TSHR: variants seen among roughly 807,000 people sequenced by gnomAD.
TSHR encodes the protein thyroid stimulating hormone receptor.
TSHR carries 51 observed loss-of-function variants against 64.1 expected under a neutral mutation model. The ratio of observed to expected loss-of-function variants is 0.80; its 90% CI spans 0.64 to 1.01. The LOEUF (loss-of-function observed/expected upper bound fraction) is 1.01, where lower values mean the gene tolerates loss of function less well. Among genes scored for constraint, TSHR ranks in the 50% least tolerant of loss-of-function variants. TSHR has a pLI of 0.00. For synonymous variants in TSHR, 361 were observed against 361.9 expected (o/e 1.00, Z 0.03); for missense variants, 877 against 942.8 (o/e 0.93, Z 0.91).
chr14:81,015,426 A>G (rs1325710824), intron 1 of TSHR, among the ~76,000 whole-genome samples: 1 of 152,196 alleles, frequency 6.6e-6, no homozygotes. Flanking sequence ...TGTTTTAACC[A>G]AATATAGTTA....
intron 2 of TSHR, among the ~76,000 whole-genome samples, chr14:81,064,803 G>A (rs1007665223): frequency 2.0e-5 from 3 of 152,006 alleles, no homozygotes; most frequent in Non-Finnish European, 2.9e-5. Context: ...ACCAGGAGGA[G>A]GCATCCGCAG....
intron 1 of TSHR, among the ~76,000 whole-genome samples, chr14:81,029,294 T>A (rs1443884538): frequency 3.9e-5 from 6 of 152,142 alleles, no homozygotes; most frequent in Admixed American, 3.9e-4. Context: ...CCCTTCCTCA[T>A]CTTATTTAAC....
chr14:80,962,810 G>A (rs942545266), intron 1 of TSHR, among the ~76,000 whole-genome samples: 1 of 152,120 alleles, frequency 6.6e-6, no homozygotes, highest in African/African-American at 2.4e-5. Context: ...TTTACAATCC[G>A]TAGACAAAAT....
chr14:81,009,569 C>G (rs1304118824), intron 1 of TSHR, among the ~76,000 whole-genome samples: 3 of 152,098 alleles, frequency 2.0e-5, no homozygotes, highest in African/African-American at 7.2e-5. Context: ...TCATATCTGC[C>G]CACAACCACA....
intron 7 of TSHR, among the ~76,000 whole-genome samples, chr14:81,098,864 A>G (rs1889386715): frequency 6.6e-6 from 1 of 152,174 alleles, no homozygotes; most frequent in Non-Finnish European, 1.5e-5. Context: ...AGGGTAATTG[A>G]TTTCTAAAAC....
chr14:81,131,549 A>C (rs777370037), intron 8 of TSHR, among the ~76,000 whole-genome samples: 4 of 152,172 alleles, frequency 2.6e-5, no homozygotes, highest in Non-Finnish European at 4.4e-5. Flanking sequence ...CTATGCCCTC[A>C]CCGTCTCAGC....
chr14:80,983,573 T>G, intron 1 of TSHR: 1 of 1,142,692 alleles, frequency 8.8e-7, no homozygotes, highest in Non-Finnish European at 1.3e-6. Context: ...TAGTTGTTGA[T>G]CACTTGAGTT....
intron 5 of TSHR, among the ~76,000 whole-genome samples, chr14:81,091,473 T>C (rs1888731826): frequency 6.6e-6 from 1 of 152,164 alleles, no homozygotes; most frequent in South Asian, 2.1e-4. Context: ...GAGCAGAAAA[T>C]AGCTCAGTAA....
chr14:80,969,881 A>C (rs1452567488), intron 1 of TSHR, among the ~76,000 whole-genome samples: 1 of 152,182 alleles, frequency 6.6e-6, no homozygotes, highest in Admixed American at 6.5e-5. Context: ...CTGTTTTCCA[A>C]TAGTATTCTT....
chr14:81,017,161 G>A (rs541320466), intron 1 of TSHR, among the ~76,000 whole-genome samples: 169 of 152,274 alleles, frequency 1.1e-3, no homozygotes, highest in Non-Finnish European at 1.3e-3. Context: ...CATGCTTAGC[G>A]TTCCAATAAT....
chr14:80,963,786 A>G (rs1009416291), intron 1 of TSHR, among the ~76,000 whole-genome samples: 1 of 152,140 alleles, frequency 6.6e-6, no homozygotes, highest in African/African-American at 2.4e-5. Context: ...TTGTCTGATG[A>G]CCTGACTCAG....
intron 1 of TSHR, among the ~76,000 whole-genome samples, chr14:81,024,635 T>C (rs529794316): frequency 1.3e-5 from 2 of 152,288 alleles, no homozygotes; most frequent in South Asian, 4.1e-4. Context: ...AAAGTATAAG[T>C]TTTTATACCT....
chr14:80,956,013 A>T, intron 1 of TSHR, 163 bp downstream of exon 1: 1 of 818,934 alleles, frequency 1.2e-6, no homozygotes, highest in Non-Finnish European at 2.0e-6. Context: ...TGTGCTAAAA[A>T]CTTAATCGCC....
intron 6 of TSHR, chr14:81,093,546 G>A (rs1888924794): frequency 1.3e-5 from 2 of 152,162 alleles, no homozygotes; most frequent in South Asian, 4.1e-4. Context: ...TGGGGTGGAG[G>A]TCTTTATCAG....
At position 81,144,153 on chromosome 14, in the gene TSHR, T is replaced by C. The variant is rs920050118; in HGVS notation, c.2095T>C (p.Cys699Arg). 6.2e-7 allele frequency: 1 copy of C among 1,614,180 alleles called. No homozygotes were observed. Among genetic ancestry groups the C allele is most frequent in the Non-Finnish European group, 8.5e-7 (1 of 1,180,022 alleles). ...CATCCTACTCAGCAAGTTTGGCATC[T>C]GTAAACGCCAGGCTCAGGCATACCG... ...VFILLSKFGI[C>R]KRQAQAYRGQ... Residue 699 changes from cysteine (C) to arginine (R), a missense_variant, in exon 10 of 10, where the codon TGT becomes CGT. Transcript: ENST00000298171.
chr14:81,134,195 G>A (rs1891361295), intron 8 of TSHR, among the ~76,000 whole-genome samples: 1 of 151,982 alleles, frequency 6.6e-6, no homozygotes, highest in Non-Finnish European at 1.5e-5. Flanking sequence ...GAGTGCAATG[G>A]TGCAATCTCG....
chr14:81,068,269 T>C lies in TSHR; in HGVS notation c.258T>C (p.Asp86=), dbSNP rs769501905. Reference sequence around the variant, plus strand: ...TGACATTCAGCTACGTATCTATAGATGTGACTCTGCAGCAGCTGGAATCAC... The same window carrying C: ...TGACATTCAGCTACGTATCTATAGACGTGACTCTGCAGCAGCTGGAATCAC... ...PNISRIYVSI[D]VTLQQLESHS... is the part of the protein sequence containing the mutation. The change falls in exon 3 of 10, where the codon GAT becomes GAC. Residue 86 remains aspartate, a synonymous_variant. Coordinates refer to ENST00000298171, the MANE Select transcript of TSHR (RefSeq NM_000369.5). 21 of 1,613,034 alleles carry C rather than the reference T, an allele frequency of 1.3e-5. No individual in the cohort carries two copies. In the African/African-American group the frequency reaches 2.1e-4, roughly 16 times the overall value.
intron 2 of TSHR, among the ~76,000 whole-genome samples, chr14:81,062,443 T>C (rs1886313722): frequency 6.6e-6 from 1 of 152,140 alleles, no homozygotes; most frequent in African/African-American, 2.4e-5. Flanking sequence ...TTTAAATTCA[T>C]TTGATTTTGA....
At chr14:81,032,612 T>C (rs543491114) in intron 1 of TSHR, 14 of 448,844 alleles carry the variant, frequency 3.1e-5, no homozygotes, top group Non-Finnish European at 6.2e-5. Context: ...TCAGGTTGTT[T>C]GAACTAGCCA....
Sources: gnomAD v4.1 joint callset for allele counts (sites outside exome capture counted in the v4.1 genomes callset) on GRCh38, gnomAD v4.1.1 for gene constraint, MANE v1.5 for transcripts, NCBI Gene and HGNC (gene_info 2026-07-23, HGNC 2026-07-21) for gene names.